Variants in DLG2 observed in about 807,000 individuals in gnomAD.
The protein encoded by DLG2 is disks large homolog 2.
Under a neutral mutation model 132.5 loss-of-function variants are expected in DLG2, and 45 were observed. The observed-to-expected ratio is 0.34, with a 90% CI of 0.27 to 0.44. The LOEUF (loss-of-function observed/expected upper bound fraction) is 0.44. DLG2 is among the 20% of genes least tolerant of loss of function. The pLI, the probability that DLG2 is intolerant of heterozygous loss-of-function variation, is 1.00. For synonymous variants in DLG2, 424 were observed against 419.6 expected, an observed-to-expected ratio of 1.01 and a Z score of -0.13; for missense variants, 1,045 against 1,196.9, an observed-to-expected ratio of 0.87 and a Z score of 1.87.
chr11:84,414,724 C>A (rs2098923034), intron 7 of DLG2, among the ~76,000 whole-genome samples: 1 of 152,156 alleles, frequency 6.6e-6, no homozygotes, highest in Non-Finnish European at 1.5e-5. Context: ...TATTTACAAA[C>A]AATCTCCCAA....
chr11:83,772,542 A>G (rs1009112143), intron 18 of DLG2, among the ~76,000 whole-genome samples: 1 of 151,312 alleles, frequency 6.6e-6, no homozygotes, highest in African/African-American at 2.4e-5. Context: ...GGAAGGAAGG[A>G]AAAAAGAAAG....
intron 7 of DLG2, among the ~76,000 whole-genome samples, chr11:84,374,983 G>C (rs970600499): frequency 4.5e-4 from 69 of 152,084 alleles, no homozygotes; most frequent in African/African-American, 1.6e-3. Context: ...ATGTGCTTGA[G>C]TCTCAGATTT....
rs530154370 is a variant in DLG2 at position 83,665,651 on chromosome 11, T to G, written c.1826-32326A>C. ...TTCTTTTATCTTTTTAAATGTTACT[T>G]TAACTACAATAATAAATATTCAAAC... On this transcript the variant is annotated intron_variant, in intron 18 of 27. Coordinates refer to ENST00000376104, the MANE Select transcript of DLG2 (RefSeq NM_001142699.3). Among the ~76,000 whole-genome samples the G allele has an allele frequency of 1.1e-4, 17 of 152,318 alleles. 1 individual carries two copies. The East Asian group carries it at 3.1e-3, about 28-fold the overall frequency.
intron 21 of DLG2, among the ~76,000 whole-genome samples, chr11:83,487,788 T>C (rs1462783151): frequency 6.6e-6 from 1 of 152,018 alleles, no homozygotes; most frequent in South Asian, 2.1e-4. Flanking sequence ...TCAATTTTTC[T>C]TTTTATGATA....
At chr11:84,491,077 A>G (rs1293193980) in intron 7 of DLG2, among the ~76,000 whole-genome samples, 1 of 152,056 alleles carries the variant, frequency 6.6e-6, no homozygotes, top group Non-Finnish European at 1.5e-5. Flanking sequence ...ACCACTCCCC[A>G]ACATAAAATC....
intron 16 of DLG2, among the ~76,000 whole-genome samples, chr11:83,873,800 T>G (rs1175422063): frequency 6.6e-6 from 1 of 151,828 alleles, no homozygotes; most frequent in Non-Finnish European, 1.5e-5. Context: ...AGCTCAAGAG[T>G]TACATCTTTT....
At chr11:84,289,728 C>A (rs761453882) in intron 7 of DLG2, among the ~76,000 whole-genome samples, 1 of 152,032 alleles carries the variant, frequency 6.6e-6, no homozygotes, top group Non-Finnish European at 1.5e-5. Flanking sequence ...TCACTCTGTT[C>A]GTAAACAAGG....
intron 18 of DLG2, among the ~76,000 whole-genome samples, chr11:83,706,244 A>C (rs972767407): frequency 2.0e-5 from 3 of 151,878 alleles, no homozygotes; most frequent in Admixed American, 6.6e-5. Flanking sequence ...TTTTAAAACC[A>C]ACAAAATTTT....
intron 3 of DLG2, among the ~76,000 whole-genome samples, chr11:85,429,469 G>A (rs538598770): frequency 6.6e-6 from 1 of 152,192 alleles, no homozygotes; most frequent in Non-Finnish European, 1.5e-5. Flanking sequence ...ATCTAACAAA[G>A]GGCTGATATG....
Position 85,427,807 on chromosome 11 carries a change from C to A in DLG2, c.41-142442G>T, listed in dbSNP as rs186145415. On this transcript the variant is annotated intron_variant, in intron 3 of 27. Coordinates refer to ENST00000376104, the MANE Select transcript of DLG2 (RefSeq NM_001142699.3). The stretch of plus-strand genomic sequence containing the variant: ...ACTTTAAATGTAAATGGACTAAATG[C>A]TCCAATTAAAAGACACAGACTGGCA... 2.8e-4 allele frequency among the ~76,000 whole-genome samples: 43 copies of A among 152,266 alleles called. No homozygotes were observed. In the East Asian group the frequency reaches 4.6e-3, roughly 16 times the overall value.
chr11:84,801,921 T>G (rs1412343942), intron 6 of DLG2, among the ~76,000 whole-genome samples: 1 of 152,202 alleles, frequency 6.6e-6, no homozygotes, highest in Non-Finnish European at 1.5e-5. Context: ...TTGTTACATC[T>G]GTTTGTGCTG....
chr11:84,422,969 C>G (rs1481203624), intron 7 of DLG2, among the ~76,000 whole-genome samples: 5 of 152,156 alleles, frequency 3.3e-5, no homozygotes, highest in East Asian at 1.9e-4. Context: ...AAAATCTTAT[C>G]AAAGTAGTAA....
chr11:85,361,696 G>A (rs1433898711), intron 3 of DLG2, among the ~76,000 whole-genome samples: 1 of 152,176 alleles, frequency 6.6e-6, no homozygotes, highest in Non-Finnish European at 1.5e-5. Context: ...CGCTGTTTTG[G>A]TCACTATAGC....
intron 3 of DLG2, among the ~76,000 whole-genome samples, chr11:85,303,352 T>A (rs2079726853): frequency 6.6e-6 from 1 of 152,224 alleles, no homozygotes; most frequent in African/African-American, 2.4e-5. Flanking sequence ...TAGGTTTCAT[T>A]ATCACTCTTT....
At chr11:85,001,488 T>A (rs928787846) in intron 6 of DLG2, among the ~76,000 whole-genome samples, 1 of 152,180 alleles carries the variant, frequency 6.6e-6, no homozygotes, top group African/African-American at 2.4e-5. Context: ...GATACAACTC[T>A]CAGATGCTGG....
chr11:84,123,544 C>A (rs960741439), intron 9 of DLG2, among the ~76,000 whole-genome samples: 1 of 152,150 alleles, frequency 6.6e-6, no homozygotes, highest in Non-Finnish European at 1.5e-5. Flanking sequence ...AGTTTTGTAT[C>A]TAAGCTCCTC....
chr11:83,930,881 C>T (rs936275567), intron 14 of DLG2, among the ~76,000 whole-genome samples: 2 of 152,136 alleles, frequency 1.3e-5, no homozygotes, highest in African/African-American at 4.8e-5. Flanking sequence ...ATGAAGCAAA[C>T]TTGAGGATAA....
intron 3 of DLG2, among the ~76,000 whole-genome samples, chr11:85,527,745 G>A (rs2074891129): frequency 6.6e-6 from 1 of 152,040 alleles, no homozygotes; most frequent in Non-Finnish European, 1.5e-5. Flanking sequence ...TGACATTTCT[G>A]GTTTTAGATC....
intron 3 of DLG2, among the ~76,000 whole-genome samples, chr11:85,515,835 G>C (rs2094159113): frequency 6.6e-6 from 1 of 152,004 alleles, no homozygotes; most frequent in South Asian, 2.1e-4. Flanking sequence ...GATCTGGTTT[G>C]TGATGAGTAA....
Sources: gnomAD v4.1 joint callset for allele counts (sites outside exome capture counted in the v4.1 genomes callset) on GRCh38, gnomAD v4.1.1 for gene constraint, MANE v1.5 for transcripts, NCBI Gene and HGNC (gene_info 2026-07-23, HGNC 2026-07-21) for gene names.